Variants in TTBK2 observed in about 807,000 individuals in gnomAD.
TTBK2 encodes tau-tubulin kinase 2.
TTBK2 carries 28 observed loss-of-function variants against 110.8 expected under a neutral mutation model. The observed-to-expected ratio is 0.25, with a 90% CI of 0.19 to 0.35. TTBK2 has a LOEUF of 0.35. Ranked by LOEUF, TTBK2 falls within the 10% of genes least tolerant of loss-of-function variation. The pLI, the probability that TTBK2 is intolerant of heterozygous loss-of-function variation, is 1.00. For synonymous variants in TTBK2, 532 were observed against 527.3 expected (o/e 1.01, Z -0.12); for missense variants, 1,369 against 1,500.3 (o/e 0.91, Z 1.45).
intron 13 of TTBK2, among the ~76,000 whole-genome samples, chr15:42,766,745 A>C (rs997809230): frequency 6.6e-6 from 1 of 152,166 alleles, no homozygotes; most frequent in African/African-American, 2.4e-5. Context: ...GTTAACAAGG[A>C]TATCCAGGAC....
rs1893957476 is a variant in TTBK2, at chr15:42,856,695, C to T, written c.217+15916G>A. ...AGTTCTCAACATAGTGAGACCTTGT[C>T]TCTACTTAAAAAAAAATTTTTTTTA... On this transcript the variant is annotated intron_variant, in intron 3 of 14. Coordinates refer to ENST00000267890, the MANE Select transcript of TTBK2 (RefSeq NM_173500.4). Among the ~76,000 whole-genome samples the T allele has an allele frequency of 7.2e-5, 11 of 152,090 alleles. No homozygotes were observed. The South Asian group carries it at 2.1e-3, about 29-fold the overall frequency.
rs779352666 is a variant in TTBK2, at chr15:42,777,219, G to A, written c.1221C>T (p.Ser407=). The change falls in exon 12 of 15, where the codon AGC becomes AGT. Residue 407 remains serine (S), a synonymous_variant. Coordinates refer to ENST00000267890, the MANE Select transcript of TTBK2 (RefSeq NM_173500.4). The part of the protein sequence containing the change: ...ICKAATEEEN[S]HGQANGLLNA... ...TGAGAAGACCATTTGCCTGGCCATG[G>A]CTGTTCTCCTCTTCAGTAGCAGCCT... 2 of 1,614,148 alleles carry A rather than the reference G, an allele frequency of 1.2e-6. No individual in the cohort carries two copies. Among genetic ancestry groups the A allele is most frequent in the Non-Finnish European group, 1.7e-6 (2 of 1,180,024 alleles).
At chr15:42,848,903 G>A (rs1195856608) in intron 3 of TTBK2, among the ~76,000 whole-genome samples, 2 of 152,186 alleles carry the variant, frequency 1.3e-5, no homozygotes, top group Non-Finnish European at 2.9e-5. Context: ...AAATATGGTT[G>A]CTTTTTGTGG....
chr15:42,768,624 GGAA>G (rs1415224218), intron 13 of TTBK2, among the ~76,000 whole-genome samples: 2 of 152,110 alleles, frequency 1.3e-5, no homozygotes, highest in Admixed American at 6.5e-5. Context: ...ACAAACAAAT[GGAA>G]GAACATTCCA....
rs772663958 is a variant in TTBK2, at chr15:42,783,454, C to T, written c.1162G>A (p.Ala388Thr). The change falls in exon 11 of 15, where the codon GCC becomes ACC. Residue 388 changes from alanine (A) to threonine (T), a missense_variant. Ala to Thr is a moderately conservative substitution (Grantham distance 58). Transcript: ENST00000267890. Reference sequence around the variant, plus strand: ...CCAAGCTTTATCTTGTTTTTGTTGGCATCCATCTCTTCCCAAACATCCTTC... The same window carrying T: ...CCAAGCTTTATCTTGTTTTTGTTGGTATCCATCTCTTCCCAAACATCCTTC... ...QEKDVWEEMD[A>T]NKNKIKLGIC... 3 of 1,613,988 alleles carry T rather than the reference C, an allele frequency of 1.9e-6. No individual in the cohort carries two copies. The highest frequency in any genetic ancestry group is 4.5e-5 in the East Asian group (2 of 44,888).
rs568166463 is a variant in TTBK2 at position 42,866,302 on chromosome 15, A to G, written c.217+6309T>C. On this transcript the variant is annotated intron_variant, in intron 3 of 14. Transcript: ENST00000267890. ...ATTAATAATAATAGTAATAATAATA[A>G]AAGAAGAGTATTACATAATGATAAA... Among the ~76,000 whole-genome samples the G allele has an allele frequency of 3.0e-4, 46 of 152,194 alleles. 1 individual carries two copies. The highest frequency in any genetic ancestry group is 2.2e-3 in the Admixed American group (33 of 15,282).
rs113257477 is a variant in TTBK2 at position 42,791,076 on chromosome 15, A to G, written c.980+3568T>C. Among the ~76,000 whole-genome samples the G allele has an allele frequency of 9.9e-3, 1,499 of 151,988 alleles. 29 individuals carry two copies. Among genetic ancestry groups the G allele is most frequent in the African/African-American group, 0.034 (1,414 of 41,428 alleles). ...TTTTGTTTTTGTATTTTTAGTAGAG[A>G]CGGGGTTTCACTGTGTTAGCCAGGA... On this transcript the variant is annotated intron_variant, in intron 10 of 14. Coordinates refer to ENST00000267890, the MANE Select transcript of TTBK2 (RefSeq NM_173500.4).
Position 42,745,531 on chromosome 15 carries a change from G to C in TTBK2, c.*264C>G. On this transcript the variant is annotated 3_prime_UTR_variant, in exon 15 of 15. Coordinates refer to ENST00000267890, the MANE Select transcript of TTBK2 (RefSeq NM_173500.4). ...GTTTCAAAGGCAGCTTAAAAAATGA[G>C]AGCTCATTTTAATGAGTTTCTCCCC... The C allele has an allele frequency of 2.0e-6, 1 of 488,918 alleles. No homozygotes were observed. Among genetic ancestry groups the C allele is most frequent in the Non-Finnish European group, 3.7e-6 (1 of 271,324 alleles). The allele number at this position is 488,918 out of a possible 1,614,324, so 30.3% of individuals were successfully genotyped here.
intron 13 of TTBK2, among the ~76,000 whole-genome samples, chr15:42,769,363 T>C (rs1470915571): frequency 6.6e-6 from 1 of 152,192 alleles, no homozygotes; most frequent in African/African-American, 2.4e-5. Flanking sequence ...AATCTACTCA[T>C]CTGACAAAGG....
At chr15:42,802,313 A>C (rs1287369979) in intron 9 of TTBK2, 1 of 778,134 alleles carries the variant, frequency 1.3e-6, no homozygotes, top group East Asian at 2.4e-5. Flanking sequence ...GAGCTGATGC[A>C]GGCACCAGGC....
intron 10 of TTBK2, among the ~76,000 whole-genome samples, chr15:42,792,703 C>A (rs1040790968): frequency 2.0e-5 from 3 of 152,078 alleles, no homozygotes; most frequent in Non-Finnish European, 4.4e-5. Context: ...AGTCTTCTGG[C>A]AGGGGTAGGT....
rs565005688 is a variant in TTBK2, at chr15:42,791,055, G to GT, written c.980+3588dup. Among the ~76,000 whole-genome samples the GT allele has an allele frequency of 2.2e-4, 33 of 152,080 alleles. No individual in the cohort carries two copies. The East Asian group carries it at 5.6e-3, about 26-fold the overall frequency. On this transcript the variant is annotated intron_variant, in intron 10 of 14. Transcript: ENST00000267890. Reference sequence around the variant, plus strand: ...CCTGCCACCATGCCTGGCTAATTTTGTTTTTGTATTTTTAGTAGAGACGGG... The same window carrying GT: ...CCTGCCACCATGCCTGGCTAATTTTGTTTTTTGTATTTTTAGTAGAGACGGG...
intron 9 of TTBK2, among the ~76,000 whole-genome samples, chr15:42,796,104 T>C (rs186007461): frequency 1.3e-5 from 2 of 152,036 alleles, no homozygotes; most frequent in East Asian, 3.9e-4. Context: ...CATCAGCATA[T>C]AGATATCAAG....
chr15:42,760,268 C>T (rs2140649639), intron 13 of TTBK2, among the ~76,000 whole-genome samples: 1 of 151,806 alleles, frequency 6.6e-6, no homozygotes, highest in Admixed American at 6.6e-5. Context: ...CACCTGTAAT[C>T]CCAGCTACTC....
chr15:42,885,447 G>C (rs928493884), intron 1 of TTBK2, among the ~76,000 whole-genome samples: 1 of 151,920 alleles, frequency 6.6e-6, no homozygotes, highest in African/African-American at 2.4e-5. Flanking sequence ...TTCATTTCTG[G>C]TAGAGACAAA....
At chr15:42,890,738 T>C (rs1895422629) in intron 1 of TTBK2, among the ~76,000 whole-genome samples, 1 of 152,202 alleles carries the variant, frequency 6.6e-6, no homozygotes. Flanking sequence ...ATGGGGGCTG[T>C]CACCTGAAAG....
chr15:42,771,927 G>A (rs952829140), intron 13 of TTBK2, among the ~76,000 whole-genome samples: 1 of 151,978 alleles, frequency 6.6e-6, no homozygotes, highest in Admixed American at 6.6e-5. Context: ...TAGTGCCCTC[G>A]GTACGAAAAG....
At chr15:42,815,859 T>TATATATATATATTTAA (rs1264942208) in intron 7 of TTBK2, among the ~76,000 whole-genome samples, 14 of 126,558 alleles carry the variant, frequency 1.1e-4, no homozygotes, top group Non-Finnish European at 2.2e-4. Context: ...TCTCTCTCTC[T>TATATATATATATTTAA]ATATATATAT....
chr15:42,834,339 C>A (rs1478526921), intron 4 of TTBK2, among the ~76,000 whole-genome samples: 1 of 152,114 alleles, frequency 6.6e-6, no homozygotes, highest in Admixed American at 6.5e-5. Context: ...TAAATCCATC[C>A]ACTTGAAAAG....
Sources: allele counts gnomAD v4.1 joint callset (sites outside exome capture counted in the v4.1 genomes callset), GRCh38; gene constraint gnomAD v4.1.1; transcripts MANE v1.5; gene names NCBI Gene and HGNC (gene_info 2026-07-23, HGNC 2026-07-21).